EMC2: variants seen among roughly 807,000 people sequenced by gnomAD.
The protein encoded by EMC2 is ER membrane protein complex subunit 2.
Under a neutral mutation model 51.6 loss-of-function variants are expected in EMC2, and 37 were observed. The ratio of observed to expected loss-of-function variants is 0.72; its 90% CI spans 0.55 to 0.94. The LOEUF (loss-of-function observed/expected upper bound fraction) is 0.94. Among genes scored for constraint, EMC2 ranks in the 40% least tolerant of loss-of-function variants. EMC2 has a pLI of 0.00. For missense variants in EMC2, 359 were observed against 350.9 expected, an observed-to-expected ratio of 1.02 and a Z score of -0.18; for synonymous variants, 131 against 112.4, an observed-to-expected ratio of 1.17 and a Z score of -1.04.
At chr8:108,477,410 G>C (rs963728758) in intron 9 of EMC2, among the ~76,000 whole-genome samples, 1 of 151,978 alleles carries the variant, frequency 6.6e-6, no homozygotes, top group African/African-American at 2.4e-5. Context: ...CAATTAATAA[G>C]AGCTGTGGGA....
intron 1 of EMC2, among the ~76,000 whole-genome samples, chr8:108,445,762 A>G (rs1290472651): frequency 6.6e-6 from 1 of 152,202 alleles, no homozygotes; most frequent in Non-Finnish European, 1.5e-5. Flanking sequence ...CTTCACTGTC[A>G]CTTCCCTAGA....
At chr8:108,467,479 G>T (rs549761334) in intron 5 of EMC2, among the ~76,000 whole-genome samples, 1 of 151,892 alleles carries the variant, frequency 6.6e-6, no homozygotes, top group South Asian at 2.1e-4. Flanking sequence ...CTCCCAAGTA[G>T]TTGGGATTAC....
chr8:108,468,208 G>T (rs1023589460), intron 5 of EMC2, among the ~76,000 whole-genome samples: 8 of 152,162 alleles, frequency 5.3e-5, no homozygotes, highest in Non-Finnish European at 1.2e-4. Context: ...TGGAGGACTA[G>T]GGACAATGCT....
chr8:108,448,301 C>G (rs1013547464), intron 1 of EMC2, among the ~76,000 whole-genome samples: 1 of 152,146 alleles, frequency 6.6e-6, no homozygotes, highest in Non-Finnish European at 1.5e-5. Flanking sequence ...AGTTTAGATT[C>G]AAACCAAGTG....
Position 108,486,760 on chromosome 8 carries a change from T to G in EMC2, c.*162T>G, listed in dbSNP as rs1811149432. 1 of 653,206 alleles carries G rather than the reference T, an allele frequency of 1.5e-6. No individual in the cohort carries two copies. The highest frequency in any genetic ancestry group is 3.9e-5 in the South Asian group (1 of 25,372). 40.5% of individuals were successfully genotyped at this position (653,206 alleles called of 1,614,324 possible). Reference sequence around the variant, plus strand: ...GTTTATATAAACCTAAAAATGCCTTTTACTGCTAAGTGGGGAGATGGGGGA... The same window carrying G: ...GTTTATATAAACCTAAAAATGCCTTGTACTGCTAAGTGGGGAGATGGGGGA... On this transcript the variant is annotated 3_prime_UTR_variant, in exon 11 of 11. Transcript: ENST00000220853.
chr8:108,462,880 A>G (rs1256876937), intron 5 of EMC2, among the ~76,000 whole-genome samples: 1 of 151,550 alleles, frequency 6.6e-6, no homozygotes, highest in Non-Finnish European at 1.5e-5. Flanking sequence ...CTATGGGATT[A>G]CAGGAGTGAG....
chr8:108,466,410 A>C (rs1241070665), intron 5 of EMC2, among the ~76,000 whole-genome samples: 1 of 143,520 alleles, frequency 7.0e-6, no homozygotes, highest in Non-Finnish European at 1.5e-5. Context: ...TTTTTATTTT[A>C]TAGAATATTA....
intron 5 of EMC2, among the ~76,000 whole-genome samples, chr8:108,460,901 A>G (rs1819303569): frequency 6.6e-6 from 1 of 152,332 alleles, no homozygotes; most frequent in Middle Eastern, 3.4e-3. Context: ...TTCTGTAAAC[A>G]TGTATTGAAT....
intron 5 of EMC2, among the ~76,000 whole-genome samples, chr8:108,461,496 G>T (rs1819317921): frequency 6.6e-6 from 1 of 152,172 alleles, no homozygotes; most frequent in Non-Finnish European, 1.5e-5. Flanking sequence ...AGTCTGGAAG[G>T]CCTTAAAGGA....
At chr8:108,446,510 A>T (rs923583175) in intron 1 of EMC2, among the ~76,000 whole-genome samples, 1 of 152,194 alleles carries the variant, frequency 6.6e-6, no homozygotes, top group Admixed American at 6.5e-5. Context: ...ACTTCGAAAT[A>T]CTTCAAAACA....
intron 3 of EMC2, among the ~76,000 whole-genome samples, chr8:108,451,117 C>T (rs540600563): frequency 3.3e-5 from 5 of 152,006 alleles, no homozygotes; most frequent in African/African-American, 9.6e-5. Flanking sequence ...GCAGGAGGAT[C>T]GCTTGAACCT....
At chr8:108,459,755 ATTGTT>A (rs1819266496) in intron 5 of EMC2, among the ~76,000 whole-genome samples, 2 of 135,238 alleles carry the variant, frequency 1.5e-5, no homozygotes, top group African/African-American at 3.1e-5. Flanking sequence ...TGTGTGTGTG[ATTGTT>A]TTGTTCTAGA....
intron 5 of EMC2, among the ~76,000 whole-genome samples, chr8:108,456,348 G>GAAAAAAAAAAAAAAAA (rs1212130981): frequency 2.2e-5 from 1 of 45,032 alleles, no homozygotes; most frequent in Non-Finnish European, 5.2e-5. Flanking sequence ...AAAAAAAAAA[G>GAAAAAAAAAAAAAAAA]AAAAAAAAAA....
At chr8:108,465,828 CATTT>C (rs201588126) in intron 5 of EMC2, among the ~76,000 whole-genome samples, 1,862 of 152,198 alleles carry the variant, frequency 0.012, 43 homozygotes, top group African/African-American at 0.043. Context: ...TTTTAAAAAA[CATTT>C]AAGTGAAGCA....
At chr8:108,476,965 A>G in intron 9 of EMC2, 73 bp downstream of exon 9, 2 of 735,620 alleles carry the variant, frequency 2.7e-6, no homozygotes, top group Admixed American at 4.1e-5. Context: ...ATCCCCTTCA[A>G]TCACTCCTCT....
chr8:108,480,507 AG>A (rs1811027216), intron 10 of EMC2, among the ~76,000 whole-genome samples: 1 of 152,160 alleles, frequency 6.6e-6, no homozygotes, highest in African/African-American at 2.4e-5. Context: ...CTTAGAACTC[AG>A]TGTGACTCAG....
At chr8:108,479,521 G>T (rs1194562919) in intron 10 of EMC2, among the ~76,000 whole-genome samples, 1 of 152,088 alleles carries the variant, frequency 6.6e-6, no homozygotes, top group Non-Finnish European at 1.5e-5. Flanking sequence ...AACAAAGTTT[G>T]TGCAGTCTGC....
At position 108,469,921 on chromosome 8, in the gene EMC2, T is replaced by A; in HGVS notation, c.449+10T>A. 6.3e-7 allele frequency: 1 copy of A among 1,599,466 alleles called. No individual in the cohort carries two copies. Among genetic ancestry groups the A allele is most frequent in the South Asian group, 1.1e-5 (1 of 90,668 alleles). ...ATGAGTATCTGGAACAGTGAGTATT[T>A]TACAAGAGGATTGTGTTTTGTTATT... On this transcript the variant is annotated intron_variant, in intron 6 of 10. Transcript: ENST00000220853.
In EMC2 at chr8:108,450,435, C is replaced by G. The variant is rs774469417; in HGVS notation, c.162C>G (p.Ile54Met). Residue 54 changes from isoleucine to methionine, a missense_variant, in exon 3 of 11, where the codon ATC becomes ATG. By Grantham distance (10) the Ile-to-Met change is conservative. Coordinates refer to ENST00000220853, the MANE Select transcript of EMC2 (RefSeq NM_014673.5). Reference sequence around the variant, plus strand: ...CCCTTTATGTGTATCTAGTTTGGATCATATATGAACAGGTGATGATTGCAG... The same window carrying G: ...CCCTTTATGTGTATCTAGTTTGGATGATATATGAACAGGTGATGATTGCAG... ...YASKLGDDIW[I>M]IYEQVMIAAL... 1 of 1,595,852 alleles carries G rather than the reference C, an allele frequency of 6.3e-7. No individual in the cohort carries two copies. The highest frequency in any genetic ancestry group is 1.3e-5 in the African/African-American group (1 of 74,528).
Sources: allele counts gnomAD v4.1 joint callset (sites outside exome capture counted in the v4.1 genomes callset), GRCh38; gene constraint gnomAD v4.1.1; transcripts MANE v1.5; gene names NCBI Gene and HGNC (gene_info 2026-07-23, HGNC 2026-07-21).